The following PSMA6 variants were observed in gnomAD, a reference collection of about 807,000 sequenced individuals.
The protein encoded by PSMA6 is proteasome subunit alpha type-6.
For missense variants in PSMA6, 170 were observed against 294.8 expected (o/e 0.58, Z 3.10); for synonymous variants, 88 against 97.7 (o/e 0.90, Z 0.59).
chr14:35,279,873 C>A (rs527604761), intron 1 of PSMA6, among the ~76,000 whole-genome samples: 2 of 152,328 alleles, frequency 1.3e-5, no homozygotes, highest in Admixed American at 1.3e-4. Flanking sequence ...GCCTGTAATC[C>A]CAGCACTTTG....
At position 35,312,184 on chromosome 14, in the gene PSMA6, C is replaced by T. The variant is rs139840488; in HGVS notation, c.410-697C>T. Among the ~76,000 whole-genome samples, 221 of 130,474 alleles carry T rather than the reference C, an allele frequency of 1.7e-3. 1 individual carries two copies. Among genetic ancestry groups the T allele is most frequent in the African/African-American group, 5.9e-3 (196 of 33,290 alleles). 85.6% of individuals were successfully genotyped at this position (130,474 alleles called of 152,430 possible). A position where few individuals can be genotyped will look rare whatever the true frequency, so the allele number is the denominator to read the frequency against. Reference sequence around the variant, plus strand: ...AGTTCAAGACCACCCTGGGCAACAGCGAGTCCTCGTCTCCTAAAAAAAAAA... The same window carrying T: ...AGTTCAAGACCACCCTGGGCAACAGTGAGTCCTCGTCTCCTAAAAAAAAAA... On this transcript the variant is annotated intron_variant, in intron 4 of 6. Coordinates refer to ENST00000261479, the MANE Select transcript of PSMA6 (RefSeq NM_002791.3).
chr14:35,310,250 G>T, intron 3 of PSMA6: 1 of 428,702 alleles, frequency 2.3e-6, no homozygotes, highest in Non-Finnish European at 4.6e-6. Context: ...TCCGCCTCCT[G>T]GGTTCAAGCA....
At chr14:35,278,610 A>G (rs996741336), upstream of PSMA6, 5 of 1,388,106 alleles carry the variant, frequency 3.6e-6, no homozygotes, top group African/African-American at 7.2e-5. Context: ...GATTCCATCC[A>G]TGCGGCTCTG....
intron 1 of PSMA6, among the ~76,000 whole-genome samples, chr14:35,279,676 A>C (rs2051344186): frequency 6.6e-6 from 1 of 152,238 alleles, no homozygotes; most frequent in Non-Finnish European, 1.5e-5. Context: ...ATGTTTTTGA[A>C]GAGAACGTCT....
At chr14:35,313,523 A>G (rs1257784812) in intron 5 of PSMA6, 1 of 153,032 alleles carries the variant, frequency 6.5e-6, no homozygotes, top group African/African-American at 2.4e-5. Context: ...CCAAAAAAAA[A>G]TTACCATCTA....
intron 1 of PSMA6, among the ~76,000 whole-genome samples, chr14:35,280,295 A>G (rs1408104709): frequency 6.6e-6 from 1 of 152,022 alleles, no homozygotes; most frequent in East Asian, 1.9e-4. Context: ...CAACAACAAC[A>G]AAAATGTATT....
chr14:35,292,403 C>T lies in PSMA6; in HGVS notation c.-74C>T, dbSNP rs1048055160. ...CCCCGGAAGCAGTCGCTGCAACTTCCGGGAGGTGCTTGTGTGCCTGGTGCG... is the reference window on the plus strand; with the variant it reads ...CCCCGGAAGCAGTCGCTGCAACTTCTGGGAGGTGCTTGTGTGCCTGGTGCG... On this transcript the variant is annotated 5_prime_UTR_variant, in exon 1 of 7. Coordinates refer to ENST00000261479, the MANE Select transcript of PSMA6 (RefSeq NM_002791.3). 1.3e-6 allele frequency: 2 copies of T among 1,555,334 alleles called. No individual in the cohort carries two copies. The highest frequency in any genetic ancestry group is 1.7e-6 in the Non-Finnish European group (2 of 1,152,236).
intron 1 of PSMA6, among the ~76,000 whole-genome samples, chr14:35,285,958 A>G (rs1008941562): frequency 6.6e-6 from 1 of 152,200 alleles, no homozygotes; most frequent in Non-Finnish European, 1.5e-5. Context: ...TGCAGTACCT[A>G]TTTGGTTTCA....
intron 1 of PSMA6, among the ~76,000 whole-genome samples, chr14:35,283,061 T>C (rs892925685): frequency 2.6e-5 from 4 of 151,944 alleles, no homozygotes; most frequent in Admixed American, 6.5e-5. Context: ...GCCAGGCTGG[T>C]GTCAAACTCC....
At chr14:35,297,726 A>C (rs974835406) in intron 1 of PSMA6, among the ~76,000 whole-genome samples, 2 of 152,204 alleles carry the variant, frequency 1.3e-5, no homozygotes, top group African/African-American at 4.8e-5. Flanking sequence ...AGTGACATAA[A>C]GGGAATATAT....
In PSMA6 at chr14:35,317,257, C is replaced by A; in HGVS notation, c.692C>A (p.Thr231Lys). ...CCCCTTTTGCCTTCTAGGATTCTTA[C>A]AGAAGCAGAGATTGATGCTCACCTT... ...TVENPKFRILTEAEIDAHLVA... is the reference protein window; with the variant it reads ...TVENPKFRILKEAEIDAHLVA... Residue 231 changes from threonine (T) to lysine (K), a missense_variant, in exon 7 of 7, where the codon ACA becomes AAA. Transcript: ENST00000261479. 4.3e-6 allele frequency: 7 copies of A among 1,612,872 alleles called. No individual in the cohort carries two copies. Among genetic ancestry groups the A allele is most frequent in the Non-Finnish European group, 5.9e-6 (7 of 1,179,274 alleles).
intron 1 of PSMA6, among the ~76,000 whole-genome samples, chr14:35,305,843 G>A (rs1418052562): frequency 6.6e-6 from 1 of 152,200 alleles, no homozygotes; most frequent in African/African-American, 2.4e-5. Flanking sequence ...GCTCATGCCT[G>A]TAATCCTAAG....
At chr14:35,309,960 A>C (rs1362232972) in intron 3 of PSMA6, among the ~76,000 whole-genome samples, 1 of 151,996 alleles carries the variant, frequency 6.6e-6, no homozygotes, top group African/African-American at 2.4e-5. Flanking sequence ...CAACGGAGCA[A>C]GACTCCATTT....
intron 1 of PSMA6, among the ~76,000 whole-genome samples, chr14:35,294,138 G>A (rs1478725157): frequency 1.3e-5 from 2 of 152,174 alleles, no homozygotes; most frequent in Admixed American, 6.5e-5. Context: ...TCCGCCTCCC[G>A]GGTTCAAGCA....
chr14:35,288,038 G>T (rs1342772153), upstream of PSMA6, among the ~76,000 whole-genome samples: 1 of 152,156 alleles, frequency 6.6e-6, no homozygotes, highest in Non-Finnish European at 1.5e-5. Flanking sequence ...GACCTTTTAG[G>T]GTTTTGAAAT....
chr14:35,295,538 C>A (rs977621183), intron 1 of PSMA6, among the ~76,000 whole-genome samples: 3 of 151,250 alleles, frequency 2.0e-5, no homozygotes, highest in Non-Finnish European at 4.4e-5. Flanking sequence ...CTGAAACCTC[C>A]ACCTCCCAGG....
Position 35,308,011 on chromosome 14 carries a change from A to G in PSMA6, c.94A>G (p.Ile32Val), listed in dbSNP as rs1362903046. ...TTTTCCAGAATATGCTTTTAAGGCT[A>G]TTAACCAGGGTGGCCTTACATCAGT... ...LYQVEYAFKA[I>V]NQGGLTSVAV... Residue 32 changes from isoleucine to valine, a missense_variant, in exon 2 of 7, where the codon ATT (isoleucine) becomes GTT (valine). Ile to Val is a conservative substitution (Grantham distance 29). Coordinates refer to ENST00000261479, the MANE Select transcript of PSMA6 (RefSeq NM_002791.3). The G allele has an allele frequency of 5.0e-6, 8 of 1,614,028 alleles. No homozygotes were observed. The highest frequency in any genetic ancestry group is 2.2e-5 in the East Asian group (1 of 44,866).
chr14:35,283,363 CA>C (rs754386797), intron 1 of PSMA6, among the ~76,000 whole-genome samples: 9,140 of 64,816 alleles, frequency 0.14, 282 homozygotes, highest in Middle Eastern at 0.25. Flanking sequence ...CCTATCTCTA[CA>C]AAAAAAAAAA....
At position 35,312,900 on chromosome 14, in the gene PSMA6, A is replaced by G; in HGVS notation, c.429A>G (p.Ile143Met). The change falls in exon 5 of 7, where the codon ATA becomes ATG. Residue 143 changes from isoleucine (I) to methionine (M), a missense_variant. Physicochemically the swap from Ile to Met is conservative, Grantham distance 10. Transcript: ENST00000261479. Reference sequence around the variant, plus strand: ...TTTTAGGTATGATTTTAATTGGTATAGATGAAGAGCAAGGCCCTCAGGTAT... The same window carrying G: ...TTTTAGGTATGATTTTAATTGGTATGGATGAAGAGCAAGGCCCTCAGGTAT... ...PLGCCMILIG[I>M]DEEQGPQVYK... The G allele has an allele frequency of 6.3e-7, 1 of 1,591,704 alleles. No homozygotes were observed. Among genetic ancestry groups the G allele is most frequent in the Admixed American group, 1.8e-5 (1 of 54,456 alleles).
Sources: allele counts gnomAD v4.1 joint callset (sites outside exome capture counted in the v4.1 genomes callset), GRCh38; gene constraint gnomAD v4.1.1; transcripts MANE v1.5; gene names NCBI Gene and HGNC (gene_info 2026-07-23, HGNC 2026-07-21).